EEFSEC: variants seen among roughly 807,000 people sequenced by gnomAD.
EEFSEC encodes selenocysteine-specific elongation factor.
Under a neutral mutation model 42.1 loss-of-function variants are expected in EEFSEC, and 43 were observed. The observed-to-expected ratio is 1.02, with a 90% CI of 0.80 to 1.32. The LOEUF (loss-of-function observed/expected upper bound fraction) is 1.32, where lower values mean the gene tolerates loss of function less well. EEFSEC is among the 40% of genes most tolerant of loss of function. The pLI is 0.00. For missense variants in EEFSEC, 745 were observed against 803.6 expected (o/e 0.93, Z 0.88); for synonymous variants, 354 against 339.1 (o/e 1.04, Z -0.48).
chr3:128,412,087 C>G (rs2068177968), downstream of EEFSEC, among the ~76,000 whole-genome samples: 1 of 152,188 alleles, frequency 6.6e-6, no homozygotes, highest in Non-Finnish European at 1.5e-5. Flanking sequence ...AGGGTGGTGG[C>G]AAGTTCCCTA....
At chr3:128,290,950 T>C (rs914429643) in intron 4 of EEFSEC, among the ~76,000 whole-genome samples, 3 of 152,008 alleles carry the variant, frequency 2.0e-5, no homozygotes, top group African/African-American at 7.2e-5. Flanking sequence ...GGTTTCGCCA[T>C]ATTGGCCATG....
intron 6 of EEFSEC, among the ~76,000 whole-genome samples, chr3:128,397,469 A>T (rs1208112575): frequency 6.6e-6 from 1 of 152,208 alleles, no homozygotes; most frequent in Non-Finnish European, 1.5e-5. Context: ...AGGCATTTGG[A>T]GGAGGCTGCT....
At chr3:128,267,899 T>C (rs2066372000) in intron 4 of EEFSEC, among the ~76,000 whole-genome samples, 1 of 152,232 alleles carries the variant, frequency 6.6e-6, no homozygotes, top group Non-Finnish European at 1.5e-5. Flanking sequence ...GAGAATGTTA[T>C]ACCAGCAAGA....
intron 1 of EEFSEC, among the ~76,000 whole-genome samples, chr3:128,222,814 A>G (rs553035483): frequency 1.3e-5 from 2 of 152,364 alleles, no homozygotes; most frequent in East Asian, 1.9e-4. Context: ...GCTGTATTAT[A>G]TATCATAAAG....
chr3:128,225,276 G>T (rs1031882823), intron 1 of EEFSEC, among the ~76,000 whole-genome samples: 4 of 152,176 alleles, frequency 2.6e-5, no homozygotes, highest in Non-Finnish European at 5.9e-5. Flanking sequence ...CCACAGTGAG[G>T]CAAGTCCAGC....
chr3:128,298,106 G>A lies in EEFSEC; in HGVS notation c.786+33325G>A, dbSNP rs553283286. 5.3e-4 allele frequency among the ~76,000 whole-genome samples: 80 copies of A among 152,340 alleles called. 1 individual carries two copies. The South Asian group carries it at 0.016, about 31-fold the overall frequency. On this transcript the variant is annotated intron_variant, in intron 4 of 6. Coordinates refer to ENST00000254730, the MANE Select transcript of EEFSEC (RefSeq NM_021937.5). ...CCTTTTCCCCTTGGAACAAATGGGG[G>A]CATATGCCTGGATCATCTTCTCTTA... is the stretch of plus-strand genomic sequence containing the variant.
the EEFSEC span, among the ~76,000 whole-genome samples, chr3:128,414,838 G>A: frequency 7.2e-5 from 11 of 152,154 alleles, no homozygotes; most frequent in African/African-American, 9.7e-5. Flanking sequence ...CCCAGGCTCG[G>A]GCAAGAGGGA....
At chr3:128,379,383 G>A (rs1019822760) in intron 6 of EEFSEC, among the ~76,000 whole-genome samples, 31 of 152,134 alleles carry the variant, frequency 2.0e-4, no homozygotes, top group African/African-American at 2.9e-4. Context: ...TATACCCAGC[G>A]TTTGAAACAA....
intron 1 of EEFSEC, among the ~76,000 whole-genome samples, chr3:128,166,390 T>C (rs1408742770): frequency 6.6e-6 from 1 of 152,234 alleles, no homozygotes; most frequent in Admixed American, 6.5e-5. Context: ...GCCTCATGGC[T>C]GTTGGAGCAC....
Position 128,358,280 on chromosome 3 carries a change from T to C in EEFSEC, c.1507T>C (p.Phe503Leu). ...CAAAAAGGAAACCAACATCCAGCTC[T>C]TCGTGGGGCTCAAGGTGCACTTGTC... Reference protein sequence around the residue: ...LFKKETNIQLFVGLKVHLSTG... With the variant: ...LFKKETNIQLLVGLKVHLSTG... The change falls in exon 6 of 7, where the codon TTC (phenylalanine) becomes CTC (leucine). Residue 503 changes from phenylalanine (F) to leucine (L), a missense_variant. Phe to Leu is a conservative substitution (Grantham distance 22). Transcript: ENST00000254730. The C allele has an allele frequency of 6.2e-7, 1 of 1,614,226 alleles. No individual in the cohort carries two copies. Among genetic ancestry groups the C allele is most frequent in the East Asian group, 2.2e-5 (1 of 44,878 alleles).
At chr3:128,275,002 G>A (rs972034484) in intron 4 of EEFSEC, among the ~76,000 whole-genome samples, 6 of 152,202 alleles carry the variant, frequency 3.9e-5, no homozygotes, top group African/African-American at 7.2e-5. Context: ...AGATGGATGC[G>A]GGCTTGCTGG....
intron 4 of EEFSEC, among the ~76,000 whole-genome samples, chr3:128,335,248 C>T (rs546282189): frequency 5.9e-5 from 9 of 152,164 alleles, no homozygotes; most frequent in Admixed American, 6.5e-5. Context: ...CATTCCAGTG[C>T]GGGAGTGACA....
intron 5 of EEFSEC, among the ~76,000 whole-genome samples, chr3:128,354,210 A>G (rs769233129): frequency 1.3e-5 from 2 of 152,130 alleles, no homozygotes; most frequent in Non-Finnish European, 2.9e-5. Flanking sequence ...TCCCCCACAA[A>G]TGGAACTGCG....
At chr3:128,239,208 G>T (rs1440565508) in intron 1 of EEFSEC, among the ~76,000 whole-genome samples, 1 of 152,232 alleles carries the variant, frequency 6.6e-6, no homozygotes, top group African/African-American at 2.4e-5. Context: ...GGGAGGCACT[G>T]TTTGTATTCG....
At chr3:128,412,638 T>C (rs2068181923), downstream of EEFSEC, among the ~76,000 whole-genome samples, 1 of 152,108 alleles carries the variant, frequency 6.6e-6, no homozygotes, top group Non-Finnish European at 1.5e-5. Context: ...AGGTCATAGC[T>C]CCAGACCCCC....
chr3:128,173,593 G>A (rs1476849761), intron 1 of EEFSEC, among the ~76,000 whole-genome samples: 3 of 152,158 alleles, frequency 2.0e-5, no homozygotes, highest in African/African-American at 7.2e-5. Flanking sequence ...TTTTAAAAGA[G>A]TTTCCTTCCA....
At position 128,256,080 on chromosome 3, in the gene EEFSEC, G is replaced by A. The variant is rs549087877; in HGVS notation, c.525-6048G>A. On this transcript the variant is annotated intron_variant, in intron 2 of 6. Transcript: ENST00000254730. ...CACATGTCACACAAGATCCATCTGG[G>A]ACTGTGCTTGGATGTGGCAAAATTG... Among the ~76,000 whole-genome samples, 10 of 152,282 alleles carry A rather than the reference G, an allele frequency of 6.6e-5. No homozygotes were observed. The South Asian group carries it at 2.1e-3, about 32-fold the overall frequency.
intron 6 of EEFSEC, among the ~76,000 whole-genome samples, chr3:128,374,444 A>G (rs745903971): frequency 3.4e-4 from 51 of 152,038 alleles, no homozygotes; most frequent in Admixed American, 6.6e-4. Context: ...CTCACCATCA[A>G]CCTTTGAGTG....
chr3:128,307,844 G>A (rs140546871), intron 4 of EEFSEC, among the ~76,000 whole-genome samples: 131 of 152,318 alleles, frequency 8.6e-4, no homozygotes, highest in African/African-American at 2.8e-3. Flanking sequence ...TGTGGAGTTG[G>A]CCCTGACCTT....
Sources: allele counts gnomAD v4.1 joint callset (sites outside exome capture counted in the v4.1 genomes callset), GRCh38; gene constraint gnomAD v4.1.1; transcripts MANE v1.5; gene names NCBI Gene and HGNC (gene_info 2026-07-23, HGNC 2026-07-21).